The following XDH variants were observed in gnomAD, a reference collection of about 807,000 sequenced individuals.
XDH encodes the protein xanthine dehydrogenase.
Under a neutral mutation model 156.1 loss-of-function variants are expected in XDH, and 138 were observed. The observed-to-expected ratio is 0.88, with a 90% CI of 0.77 to 1.02. The LOEUF is 1.02. Ranked by LOEUF, XDH falls within the 50% of genes least tolerant of loss-of-function variation. XDH has a pLI of 0.00. For synonymous variants in XDH, 669 were observed against 625.7 expected, an observed-to-expected ratio of 1.07 and a Z score of -1.03; for missense variants, 1,849 against 1,684.9, an observed-to-expected ratio of 1.10 and a Z score of -1.71.
chr2:31,377,107 C>G lies in XDH; in HGVS notation c.1373G>C (p.Gly458Ala), dbSNP rs762351289. 8 of 1,614,132 alleles carry G rather than the reference C, an allele frequency of 5.0e-6. No homozygotes were observed. The highest frequency in any genetic ancestry group is 6.8e-6 in the Non-Finnish European group (8 of 1,180,016). Residue 458 changes from glycine to alanine, a missense_variant, in exon 14 of 36, where the codon GGA (glycine) becomes GCA (alanine). Transcript: ENST00000379416. ...EVQELALCYG[G>A]MANRTISALK... ...GGCTGAGATGGTTCTGTTGGCCATTCCACCATAGCAAAGGGCCAGCTCCTG... is the reference window on the plus strand; with the variant it reads ...GGCTGAGATGGTTCTGTTGGCCATTGCACCATAGCAAAGGGCCAGCTCCTG...
At chr2:31,414,507 A>G (rs1013969387) in intron 1 of XDH, 118 bp downstream of exon 1, 1 of 1,434,676 alleles carries the variant, frequency 7.0e-7, no homozygotes, top group African/African-American at 1.4e-5. Flanking sequence ...GAGAGAGAGA[A>G]AGACAGAACA....
At chr2:31,410,609 G>A (rs547232397) in intron 1 of XDH, among the ~76,000 whole-genome samples, 18 of 152,018 alleles carry the variant, frequency 1.2e-4, no homozygotes, top group African/African-American at 2.7e-4. Flanking sequence ...AAAAACTGAC[G>A]TTAAAAAAAC....
At chr2:31,385,826 CCTCTT>C (rs1429603460) in intron 9 of XDH, among the ~76,000 whole-genome samples, 1 of 152,212 alleles carries the variant, frequency 6.6e-6, no homozygotes, top group Admixed American at 6.5e-5. Context: ...CTGGAGCTCT[CCTCTT>C]CTTTACCTTA....
chr2:31,354,080 G>A (rs1015076275), intron 24 of XDH, among the ~76,000 whole-genome samples: 4 of 152,146 alleles, frequency 2.6e-5, no homozygotes, highest in Admixed American at 2.6e-4. Context: ...TGGTAAAGAG[G>A]CCACCCACAC....
At chr2:31,382,961 T>G (rs1387031227) in intron 11 of XDH, 40 bp downstream of exon 11, 2 of 1,613,580 alleles carry the variant, frequency 1.2e-6, no homozygotes, top group Non-Finnish European at 1.7e-6. Flanking sequence ...AGATGAAAGC[T>G]CCATCCTACG....
intron 6 of XDH, among the ~76,000 whole-genome samples, chr2:31,395,967 C>T (rs950415985): frequency 2.0e-5 from 3 of 152,182 alleles, no homozygotes; most frequent in Admixed American, 1.3e-4. Flanking sequence ...CACTTCTCGC[C>T]GTGAGCAGTG....
intron 17 of XDH, among the ~76,000 whole-genome samples, chr2:31,371,493 C>G (rs1686070983): frequency 6.6e-6 from 1 of 152,238 alleles, no homozygotes; most frequent in South Asian, 2.1e-4. Flanking sequence ...AAGGCCCCAA[C>G]TGTTGCAGTT....
At chr2:31,373,033 T>C (rs1044465851) in intron 16 of XDH, among the ~76,000 whole-genome samples, 3 of 152,238 alleles carry the variant, frequency 2.0e-5, no homozygotes, top group East Asian at 3.8e-4. Flanking sequence ...CTAATGTTTA[T>C]TGAGTGTTTC....
chr2:31,400,952 CCAGATT>C (rs1687041726), intron 4 of XDH, among the ~76,000 whole-genome samples: 1 of 152,210 alleles, frequency 6.6e-6, no homozygotes, highest in South Asian at 2.1e-4. Flanking sequence ...GGTCTAGCCA[CCAGATT>C]CAGTTGGCCT....
chr2:31,405,119 G>A (rs1687160694), intron 2 of XDH, among the ~76,000 whole-genome samples: 4 of 152,156 alleles, frequency 2.6e-5, no homozygotes, highest in South Asian at 2.1e-4. Flanking sequence ...CTAGCAAAAG[G>A]CAGGTCACTT....
chr2:31,356,521 G>A (rs1685626864), intron 24 of XDH, among the ~76,000 whole-genome samples: 1 of 152,164 alleles, frequency 6.6e-6, no homozygotes. Context: ...GTGATGGGAA[G>A]ACAAAGACAG....
intron 35 of XDH, 120 bp downstream of exon 35, chr2:31,337,521 G>T: frequency 6.8e-7 from 1 of 1,461,610 alleles, no homozygotes; most frequent in Non-Finnish European, 9.5e-7. Context: ...GGCCATTGAT[G>T]CAAGGCTGCC....
At chr2:31,405,212 G>T (rs1245287065) in intron 2 of XDH, among the ~76,000 whole-genome samples, 5 of 151,066 alleles carry the variant, frequency 3.3e-5, no homozygotes, top group Admixed American at 6.6e-5. Context: ...GAGGTGAGCT[G>T]CACAAATCAC....
intron 24 of XDH, among the ~76,000 whole-genome samples, chr2:31,359,099 C>T (rs528663265): frequency 6.6e-6 from 1 of 152,174 alleles, no homozygotes; most frequent in Admixed American, 6.5e-5. Context: ...TCACAATGAG[C>T]TATCACTTCA....
rs528267045 is a variant in XDH at position 31,337,759 on chromosome 2, G to A, written c.3833C>T (p.Ala1278Val). Residue 1278 changes from alanine (A) to valine (V), a missense_variant, in exon 35 of 36, where the codon GCC becomes GTC. Transcript: ENST00000379416. ...GTGCTGAGCTCGAGCTGCACGGATG[G>A]CATCTTTGATGGCAAAGAAGATAGA... is the stretch of plus-strand genomic sequence containing the variant. The part of the protein sequence containing the change: ...AASIFFAIKD[A>V]IRAARAQHTG... 1.9e-6 allele frequency: 3 copies of A among 1,614,228 alleles called. 1 individual carries two copies. Among genetic ancestry groups the A allele is most frequent in the East Asian group, 2.2e-5 (1 of 44,890 alleles).
intron 20 of XDH, 82 bp from the exon 21 acceptor site, chr2:31,367,076 C>T: frequency 6.2e-7 from 1 of 1,609,286 alleles, no homozygotes; most frequent in South Asian, 1.1e-5. Flanking sequence ...TATACTCTGC[C>T]AAGTGGTCTG....
chr2:31,340,146 T>C (rs1242518986), intron 33 of XDH, among the ~76,000 whole-genome samples: 1 of 152,234 alleles, frequency 6.6e-6, no homozygotes, highest in Non-Finnish European at 1.5e-5. Flanking sequence ...GTAACTGCCA[T>C]GATAGACAGG....
At chr2:31,360,001 C>A (rs1175652045) in intron 24 of XDH, among the ~76,000 whole-genome samples, 1 of 152,084 alleles carries the variant, frequency 6.6e-6, no homozygotes, top group Non-Finnish European at 1.5e-5. Context: ...TGTGAAAAGG[C>A]CACCAGAGAA....
intron 24 of XDH, among the ~76,000 whole-genome samples, chr2:31,360,355 G>A (rs917654432): frequency 1.2e-4 from 18 of 152,066 alleles, no homozygotes; most frequent in Non-Finnish European, 1.9e-4. Context: ...AAAATTAGCT[G>A]GGCGTGGTGG....
Sources: allele counts gnomAD v4.1 joint callset (sites outside exome capture counted in the v4.1 genomes callset), GRCh38; gene constraint gnomAD v4.1.1; transcripts MANE v1.5; gene names NCBI Gene and HGNC (gene_info 2026-07-23, HGNC 2026-07-21).